The following SHISA9 variants were observed in gnomAD, a reference collection of about 807,000 sequenced individuals.
The protein encoded by SHISA9 is protein shisa-9.
SHISA9 carries 13 observed loss-of-function variants against 38.0 expected under a neutral mutation model. That is an observed-to-expected ratio of 0.34 (90% CI 0.22 to 0.54). The LOEUF is 0.54. Among genes scored for constraint, SHISA9 ranks in the 20% least tolerant of loss-of-function variants. SHISA9 has a pLI of 0.91. For synonymous variants in SHISA9, 275 were observed against 242.0 expected (o/e 1.14, Z -1.27); for missense variants, 538 against 575.8 (o/e 0.93, Z 0.67).
the SHISA9 span, among the ~76,000 whole-genome samples, chr16:13,455,772 C>T: frequency 1.3e-5 from 2 of 152,164 alleles, no homozygotes; most frequent in African/African-American, 4.8e-5. Flanking sequence ...AAGTGAACCA[C>T]CCTAACCGCA....
chr16:13,283,261 A>T, the SHISA9 span, among the ~76,000 whole-genome samples: 1 of 152,142 alleles, frequency 6.6e-6, no homozygotes, highest in Non-Finnish European at 1.5e-5. Context: ...TAACTCAGCT[A>T]ACTTCCACCT....
At chr16:13,305,657 T>C in the SHISA9 span, among the ~76,000 whole-genome samples, 2 of 152,178 alleles carry the variant, frequency 1.3e-5, no homozygotes, top group African/African-American at 4.8e-5. Flanking sequence ...GGCATTAACC[T>C]GGAAGTGGAT....
rs144429994 is a variant in SHISA9, at chr16:13,060,305, C to T, written c.692-143089C>T. ...AGGAAGGTAATGATCTTGATCAAAC[C>T]ATCCCCAGAATGCATGCCTGCCTTT... is the stretch of plus-strand genomic sequence containing the variant. On this transcript the variant is annotated intron_variant, in intron 2 of 4. Coordinates refer to ENST00000558583, the MANE Select transcript of SHISA9 (RefSeq NM_001145204.3). Among the ~76,000 whole-genome samples, 150 of 152,266 alleles carry T rather than the reference C, an allele frequency of 9.9e-4. 2 individuals are homozygous for T. Among genetic ancestry groups the T allele is most frequent in the African/African-American group, 3.5e-3 (147 of 41,538 alleles).
the SHISA9 span, among the ~76,000 whole-genome samples, chr16:13,537,385 A>G: frequency 2.0e-4 from 30 of 152,034 alleles, no homozygotes; most frequent in African/African-American, 7.2e-4. Flanking sequence ...CCGAGATCAC[A>G]CCATTGCACT....
At chr16:13,093,531 C>G (rs1039826054) in intron 2 of SHISA9, among the ~76,000 whole-genome samples, 1 of 152,056 alleles carries the variant, frequency 6.6e-6, no homozygotes, top group African/African-American at 2.4e-5. Flanking sequence ...TATTGAAATT[C>G]AAGGTATCAT....
At chr16:13,015,911 C>CTCT (rs2072747376) in intron 2 of SHISA9, among the ~76,000 whole-genome samples, 1 of 92,708 alleles carries the variant, frequency 1.1e-5, no homozygotes, top group East Asian at 3.2e-4. Context: ...TCTTTCTTTT[C>CTCT]TTTCTTTCTC....
chr16:13,392,669 G>A, the SHISA9 span, among the ~76,000 whole-genome samples: 1 of 152,228 alleles, frequency 6.6e-6, no homozygotes, highest in Non-Finnish European at 1.5e-5. Context: ...GCGTTAAGAG[G>A]TTAAAGAAAT....
the SHISA9 span, among the ~76,000 whole-genome samples, chr16:13,421,951 A>G: frequency 6.6e-6 from 1 of 152,226 alleles, no homozygotes; most frequent in African/African-American, 2.4e-5. Flanking sequence ...GGAAATGCCC[A>G]TGTGGTGATC....
intron 4 of SHISA9, among the ~76,000 whole-genome samples, chr16:13,221,124 T>C (rs892888002): frequency 3.9e-5 from 6 of 152,044 alleles, no homozygotes; most frequent in Non-Finnish European, 8.8e-5. Flanking sequence ...CTTTTTCCGG[T>C]TTTCTCTCTT....
chr16:13,188,716 CAAAAAAAAAAA>C (rs35558481), intron 2 of SHISA9, among the ~76,000 whole-genome samples: 3 of 79,346 alleles, frequency 3.8e-5, no homozygotes, highest in Admixed American at 1.8e-4. Context: ...GACCCTGTTT[CAAAAAAAAAAA>C]AAAAAAAAAA....
intron 4 of SHISA9, among the ~76,000 whole-genome samples, chr16:13,226,840 C>T (rs369768658): frequency 5.1e-4 from 77 of 152,148 alleles, no homozygotes; most frequent in African/African-American, 1.8e-3. Context: ...TCTAGGGGAT[C>T]CCTTCTTCAC....
chr16:13,036,966 A>T (rs1201138603), intron 2 of SHISA9, among the ~76,000 whole-genome samples: 1 of 152,042 alleles, frequency 6.6e-6, no homozygotes, highest in African/African-American at 2.4e-5. Flanking sequence ...ACCACTTGTA[A>T]ATTAAAGACT....
intron 2 of SHISA9, among the ~76,000 whole-genome samples, chr16:13,110,899 T>TA (rs1166038261): frequency 6.6e-6 from 1 of 152,198 alleles, no homozygotes; most frequent in Non-Finnish European, 1.5e-5. Context: ...CTGAAGGTAT[T>TA]AAAAAATATT....
chr16:13,112,001 G>A (rs188223581), intron 2 of SHISA9, among the ~76,000 whole-genome samples: 5 of 152,274 alleles, frequency 3.3e-5, no homozygotes, highest in African/African-American at 1.2e-4. Flanking sequence ...TCAAAACCAG[G>A]TCTGTCTGAC....
chr16:13,035,256 G>A (rs2073040868), intron 2 of SHISA9, among the ~76,000 whole-genome samples: 1 of 152,164 alleles, frequency 6.6e-6, no homozygotes, highest in Admixed American at 6.5e-5. Flanking sequence ...ATTTAGGTAG[G>A]TTGCACTAGC....
chr16:13,099,513 C>T (rs1330255466), intron 2 of SHISA9, among the ~76,000 whole-genome samples: 1 of 151,980 alleles, frequency 6.6e-6, no homozygotes, highest in Non-Finnish European at 1.5e-5. Context: ...TAAGAAGATG[C>T]CATTTCAGCC....
At chr16:13,221,433 C>T (rs1020783836) in intron 4 of SHISA9, among the ~76,000 whole-genome samples, 6 of 126,630 alleles carry the variant, frequency 4.7e-5, no homozygotes, top group Admixed American at 9.2e-5. Flanking sequence ...AGAGAAATAC[C>T]TGGACTTTTT....
chr16:13,108,611 C>G (rs2073948889), intron 2 of SHISA9, among the ~76,000 whole-genome samples: 1 of 152,048 alleles, frequency 6.6e-6, no homozygotes, highest in African/African-American at 2.4e-5. Flanking sequence ...CCTCAAGACA[C>G]ATGAGACTGC....
In SHISA9 at chr16:13,059,598, G is replaced by C. The variant is rs542004317; in HGVS notation, c.691+142783G>C. ...TTCATACCTAGGTGATGGGTTGATA[G>C]GTACAGCAAACCACCATGGCACACG... On this transcript the variant is annotated intron_variant, in intron 2 of 4. Coordinates refer to ENST00000558583, the MANE Select transcript of SHISA9 (RefSeq NM_001145204.3). 3.3e-5 allele frequency among the ~76,000 whole-genome samples: 5 copies of C among 152,188 alleles called. 1 individual carries two copies. In the East Asian group the frequency reaches 9.7e-4, roughly 29 times the overall value.
Sources: gnomAD v4.1 joint callset for allele counts (sites outside exome capture counted in the v4.1 genomes callset) on GRCh38, gnomAD v4.1.1 for gene constraint, MANE v1.5 for transcripts, NCBI Gene and HGNC (gene_info 2026-07-23, HGNC 2026-07-21) for gene names.